FGFR1: variants seen among roughly 807,000 people sequenced by gnomAD.
FGFR1 encodes fibroblast growth factor receptor 1.
A neutral mutation model predicts 93.7 loss-of-function variants in FGFR1; 18 were observed. That is an observed-to-expected ratio of 0.19 (90% CI 0.13 to 0.28). The LOEUF (loss-of-function observed/expected upper bound fraction) is 0.28, where lower values mean the gene tolerates loss of function less well. FGFR1 is among the 10% of genes least tolerant of loss of function. FGFR1 has a pLI of 1.00. For missense variants in FGFR1, 731 were observed against 1,080.4 expected (o/e 0.68, Z 4.53); for synonymous variants, 448 against 429.3 (o/e 1.04, Z -0.54).
chr8:38,412,176 T>G lies in FGFR1; in HGVS notation c.*1452A>C, dbSNP rs946737136. On this transcript the variant is annotated 3_prime_UTR_variant, in exon 18 of 18. Transcript: ENST00000447712. ...CAAGGGATTCTGCCTCAGCCTCCTG[T>G]GGAGCTGGGATTACAGGCGTGTGCC... is the stretch of plus-strand genomic sequence containing the variant. 1.9e-5 allele frequency: 4 copies of G among 207,036 alleles called. No individual in the cohort carries two copies. Among genetic ancestry groups the G allele is most frequent in the African/African-American group, 9.1e-5 (4 of 43,906 alleles). 12.8% of individuals were successfully genotyped at this position (207,036 alleles called of 1,614,324 possible).
intron 13 of FGFR1, 64 bp downstream of exon 13, chr8:38,415,806 T>C: frequency 6.6e-7 from 1 of 1,511,914 alleles, no homozygotes; most frequent in South Asian, 1.1e-5. Flanking sequence ...AGTCACAGGC[T>C]GGAAGACTAG....
At chr8:38,432,858 C>G (rs1195825261) in intron 2 of FGFR1, among the ~76,000 whole-genome samples, 1 of 151,902 alleles carries the variant, frequency 6.6e-6, no homozygotes, top group Non-Finnish European at 1.5e-5. Flanking sequence ...GGCTTCCACT[C>G]TCTCCACCCA....
In FGFR1 at chr8:38,417,896, G is replaced by C. The variant is rs2150650110; in HGVS notation, c.1526C>G (p.Thr509Ser). The change falls in exon 11 of 18, where the codon ACC (threonine) becomes AGC (serine). Residue 509 changes from threonine (T) to serine (S), a missense_variant. Thr to Ser is a moderately conservative substitution (Grantham distance 58). Transcript: ENST00000447712. The part of the protein sequence containing the change: ...GLDKDKPNRV[T>S]KVAVKMLKSD... The stretch of plus-strand genomic sequence containing the variant: ...CTTCAACATCTTCACAGCCACTTTG[G>C]TCACACGGTTGGGTTTGTCCTTGTC... 6.2e-7 allele frequency: 1 copy of C among 1,614,176 alleles called. No individual in the cohort carries two copies. The highest frequency in any genetic ancestry group is 8.5e-7 in the Non-Finnish European group (1 of 1,180,036).
intron 2 of FGFR1, among the ~76,000 whole-genome samples, chr8:38,454,125 G>A (rs1199232840): frequency 1.3e-5 from 2 of 151,984 alleles, no homozygotes; most frequent in African/African-American, 4.8e-5. Context: ...TCACAGGGCC[G>A]GTACTTTGTC....
At chr8:38,418,027 C>A (rs1334839153) in intron 10 of FGFR1, 36 bp from the exon 11 acceptor site, 1 of 1,613,852 alleles carries the variant, frequency 6.2e-7, no homozygotes, top group Non-Finnish European at 8.5e-7. Flanking sequence ...TAAGTTGGGG[C>A]TGGTGAAGTT....
chr8:38,428,654 C>T (rs1344933968), intron 3 of FGFR1: 1 of 578,474 alleles, frequency 1.7e-6, no homozygotes, highest in Non-Finnish European at 3.1e-6. Flanking sequence ...GCCTGGAAGC[C>T]TTCACACTGG....
chr8:38,439,014 G>C (rs535988579), intron 2 of FGFR1, among the ~76,000 whole-genome samples: 1 of 152,328 alleles, frequency 6.6e-6, no homozygotes, highest in Non-Finnish European at 1.5e-5. Context: ...TGAGAAAATG[G>C]GGGAGGTGTT....
chr8:38,413,860 A>T lies in FGFR1; in HGVS notation c.2293-56T>A. The T allele has an allele frequency of 6.2e-7, 1 of 1,613,300 alleles. No homozygotes were observed. The highest frequency in any genetic ancestry group is 8.5e-7 in the Non-Finnish European group (1 of 1,179,508). On this transcript the variant is annotated intron_variant, in intron 17 of 17. Coordinates refer to ENST00000447712, the MANE Select transcript of FGFR1 (RefSeq NM_023110.3). The surrounding 1 kb of genome is among the most constrained non-coding windows in gnomAD (Gnocchi z 4.2). ...CCGGGCCCCTCCTCCCTGCTCAGGGAGGTGCGTGCACGCAGTGGGGACGGC... is the reference window on the plus strand; with the variant it reads ...CCGGGCCCCTCCTCCCTGCTCAGGGTGGTGCGTGCACGCAGTGGGGACGGC...
intron 2 of FGFR1, among the ~76,000 whole-genome samples, chr8:38,450,061 T>C (rs1407414029): frequency 2.0e-5 from 3 of 152,162 alleles, no homozygotes; most frequent in Admixed American, 1.3e-4. Flanking sequence ...AGGTCAGAAG[T>C]GGCCCAGACT....
chr8:38,465,909 T>C (rs1835390239), intron 1 of FGFR1: 1 of 225,760 alleles, frequency 4.4e-6, no homozygotes, highest in Non-Finnish European at 8.8e-6. Flanking sequence ...TTACCACGTC[T>C]AGAGAAAGTG....
In FGFR1 at chr8:38,411,492, TAC is replaced by T. The variant is rs1179946747; in HGVS notation, c.*2134_*2135del. The T allele has an allele frequency of 1.8e-5, 4 of 228,114 alleles. No individual in the cohort carries two copies. The highest frequency in any genetic ancestry group is 6.7e-5 in the African/African-American group (3 of 45,078). 14.1% of individuals were successfully genotyped at this position (228,114 alleles called of 1,614,324 possible). A position where few individuals can be genotyped will look rare whatever the true frequency, so the allele number is the denominator to read the frequency against. ...AATTGTAATGTTAGCAGGTGCTATT[TAC>T]AGAGAGAAACAAAGAGAATTTTACA... On this transcript the variant is annotated 3_prime_UTR_variant, in exon 18 of 18. Coordinates refer to ENST00000447712, the MANE Select transcript of FGFR1 (RefSeq NM_023110.3).
intron 8 of FGFR1, 197 bp downstream of exon 8, chr8:38,421,600 G>A (rs767600929): frequency 2.1e-5 from 14 of 674,874 alleles, no homozygotes; most frequent in South Asian, 4.8e-5. Context: ...GCCTCCGTGC[G>A]CCTGCAAAAC....
At chr8:38,462,578 A>G (rs572005001) in intron 1 of FGFR1, among the ~76,000 whole-genome samples, 3 of 152,260 alleles carry the variant, frequency 2.0e-5, no homozygotes, top group Middle Eastern at 6.8e-3. Flanking sequence ...ATCTGAACAT[A>G]TACATAACTC....
At chr8:38,428,855 G>A (rs928084032) in intron 3 of FGFR1, 1 of 305,062 alleles carries the variant, frequency 3.3e-6, no homozygotes, top group Non-Finnish European at 6.3e-6. Context: ...CCAAAGGATG[G>A]GCTAAACACC....
At chr8:38,461,667 A>G (rs1834435855) in intron 1 of FGFR1, among the ~76,000 whole-genome samples, 1 of 151,988 alleles carries the variant, frequency 6.6e-6, no homozygotes, top group Admixed American at 6.6e-5. Context: ...TCCACTTATG[A>G]TCTTGCCACC....
chr8:38,430,476 G>A lies in FGFR1; in HGVS notation c.92-528C>T, dbSNP rs377062978. ...AGAGAAGGCAATTTGTCAACTGGGG[G>A]CTGACCAGGATGCGTGTGATTCGGA... On this transcript the variant is annotated intron_variant, in intron 2 of 17. Transcript: ENST00000447712. The A allele has an allele frequency of 3.0e-4, 47 of 157,372 alleles. No homozygotes were observed. In the South Asian group the frequency reaches 8.9e-3, roughly 30 times the overall value. 9.7% of individuals were successfully genotyped at this position (157,372 alleles called of 1,614,324 possible).
At position 38,457,207 on chromosome 8, in the gene FGFR1, G is replaced by C. The variant is rs1284007105; in HGVS notation, c.91+149C>G. 3 of 856,086 alleles carry C rather than the reference G, an allele frequency of 3.5e-6. No homozygotes were observed. In the African/African-American group the frequency reaches 5.0e-5, roughly 14 times the overall value. 53.0% of individuals were successfully genotyped at this position (856,086 alleles called of 1,614,324 possible). A position where few individuals can be genotyped will look rare whatever the true frequency, so the allele number is the denominator to read the frequency against. ...ACCAGAACCAACCCAGGTATCTTGAGAGTTTCTCCTACAGGAAGGGAGTTC... is the reference window on the plus strand; with the variant it reads ...ACCAGAACCAACCCAGGTATCTTGACAGTTTCTCCTACAGGAAGGGAGTTC... On this transcript the variant is annotated intron_variant, in intron 2 of 17. Transcript: ENST00000447712.
At chr8:38,451,634 G>A (rs1831103390) in intron 2 of FGFR1, among the ~76,000 whole-genome samples, 1 of 152,166 alleles carries the variant, frequency 6.6e-6, no homozygotes, top group Admixed American at 6.5e-5. Context: ...TTTCCATTAA[G>A]TGCAACCTCT....
chr8:38,461,294 A>G (rs1039988405), intron 1 of FGFR1: 6 of 609,394 alleles, frequency 9.8e-6, no homozygotes, highest in African/African-American at 9.3e-5. Flanking sequence ...CTCCTTGTCC[A>G]AAAATTATGT....
Sources: allele counts gnomAD v4.1 joint callset (sites outside exome capture counted in the v4.1 genomes callset), GRCh38; gene constraint gnomAD v4.1.1; non-coding constraint Gnocchi (gnomAD v3.1); transcripts MANE v1.5; gene names NCBI Gene and HGNC (gene_info 2026-07-23, HGNC 2026-07-21).